The following CDH23 variants were observed in gnomAD, a reference collection of about 807,000 sequenced individuals.
The protein encoded by CDH23 is cadherin related 23.
In CDH23, 189 loss-of-function variants were observed where a neutral mutation model predicts 317.1. That is an observed-to-expected ratio of 0.60 (90% confidence interval 0.53 to 0.67). CDH23 has a LOEUF of 0.67. Among genes scored for constraint, CDH23 ranks in the 30% least tolerant of loss-of-function variants. The pLI, the probability that CDH23 is intolerant of heterozygous loss-of-function variation, is 0.00. For missense variants in CDH23, 4,401 were observed against 4,592.4 expected, an observed-to-expected ratio of 0.96 and a Z score of 1.20; for synonymous variants, 1,839 against 1,876.8, an observed-to-expected ratio of 0.98 and a Z score of 0.52.
intron 9 of CDH23, among the ~76,000 whole-genome samples, chr10:71,592,879 CT>C (rs1859589229): frequency 6.6e-6 from 1 of 152,210 alleles, no homozygotes; most frequent in Admixed American, 6.5e-5. Flanking sequence ...TACACTGCCT[CT>C]TCTTCGCGCC....
intron 43 of CDH23, 57 bp from the exon 44 acceptor site, chr10:71,785,574 C>A: frequency 8.4e-7 from 1 of 1,196,958 alleles, no homozygotes. Context: ...CATCTGTGGG[C>A]CAAAGTAGAA....
chr10:71,734,661 G>A lies in CDH23; in HGVS notation c.4209+3G>A, dbSNP rs1564765554. On this transcript the variant is annotated splice_donor_region_variant and intron_variant, in intron 34 of 69. Coordinates refer to ENST00000224721, the MANE Select transcript of CDH23 (RefSeq NM_022124.6). ...GCTGCTGCCTCTGCCTACAGAAGGT[G>A]AGTAGCCTGTGGCTGGAGCTTCCCC... 6.9e-7 allele frequency: 1 copy of A among 1,451,220 alleles called. No homozygotes were observed. 89.9% of individuals were successfully genotyped at this position (1,451,220 alleles called of 1,614,324 possible).
intron 3 of CDH23, among the ~76,000 whole-genome samples, chr10:71,460,714 G>GTGCCAACCATTGTCCC (rs1447740530): frequency 2.6e-5 from 4 of 152,204 alleles, no homozygotes; most frequent in Non-Finnish European, 4.4e-5. Flanking sequence ...CCTCATCGCG[G>GTGCCAACCATTGTCCC]TGCCAACCAT....
intron 9 of CDH23, among the ~76,000 whole-genome samples, chr10:71,609,951 CGTGTGTGTGTGTGTGTGTGTGTGT>C (rs34311857): frequency 4.2e-5 from 6 of 142,772 alleles, no homozygotes; most frequent in Non-Finnish European, 7.6e-5. Flanking sequence ...AGGACTCCCC[CGTGTGTGTGTGTGTGTGTGTGTGT>C]GTGTGTGTGT....
intron 22 of CDH23, among the ~76,000 whole-genome samples, chr10:71,696,492 A>G (rs1865396480): frequency 6.6e-6 from 1 of 152,222 alleles, no homozygotes; most frequent in Non-Finnish European, 1.5e-5. Context: ...AAAGCTAGTA[A>G]AGGGTGCGGT....
At chr10:71,766,705 C>A (rs1184318689) in intron 38 of CDH23, among the ~76,000 whole-genome samples, 1 of 152,168 alleles carries the variant, frequency 6.6e-6, no homozygotes, top group Non-Finnish European at 1.5e-5. Context: ...TGGGTGGTAT[C>A]ATCCCTATTT....
At chr10:71,629,613 C>T (rs112884323) in intron 11 of CDH23, among the ~76,000 whole-genome samples, 5 of 152,084 alleles carry the variant, frequency 3.3e-5, no homozygotes, top group African/African-American at 4.8e-5. Flanking sequence ...CATCCGCTGC[C>T]GAATGGAGAA....
At chr10:71,435,050 C>A (rs1214985894) in intron 1 of CDH23, among the ~76,000 whole-genome samples, 4 of 152,186 alleles carry the variant, frequency 2.6e-5, no homozygotes, top group African/African-American at 7.2e-5. Context: ...GGCGCCTCTG[C>A]AGGACCCTCC....
rs761420710 is a variant in CDH23, at chr10:71,695,430, C to A, written c.2302C>A (p.Leu768Ile). 4 of 1,611,870 alleles carry A rather than the reference C, an allele frequency of 2.5e-6. No individual in the cohort carries two copies. The African/African-American group carries it at 5.3e-5, about 22-fold the overall frequency. Residue 768 changes from leucine (L) to isoleucine (I), a missense_variant, in exon 22 of 70, where the codon CTC (leucine) becomes ATC (isoleucine). Coordinates refer to ENST00000224721, the MANE Select transcript of CDH23 (RefSeq NM_022124.6). ...TATGGCTTCACAGGTAAACATCACC[C>A]TCCTGGACATCAATGACAACCACCC... is the stretch of plus-strand genomic sequence containing the variant. ...KTGIATVNITLLDINDNHPTW... is the reference protein window; with the variant it reads ...KTGIATVNITILDINDNHPTW...
In CDH23 at chr10:71,672,195, G is replaced by A. The variant is rs555890694; in HGVS notation, c.1450-2917G>A. 2.6e-5 allele frequency among the ~76,000 whole-genome samples: 4 copies of A among 152,206 alleles called. No individual in the cohort carries two copies. The South Asian group carries it at 6.2e-4, about 24-fold the overall frequency. On this transcript the variant is annotated intron_variant, in intron 14 of 69. Transcript: ENST00000224721. Reference sequence around the variant, plus strand: ...TGAGCTAGGCAGGAGAGGGAGGGGCGCTGTTCAAGCGGAGGGGGCAGAGCC... The same window carrying A: ...TGAGCTAGGCAGGAGAGGGAGGGGCACTGTTCAAGCGGAGGGGGCAGAGCC...
chr10:71,744,926 C>A (rs1410100937), intron 38 of CDH23, among the ~76,000 whole-genome samples: 1 of 152,260 alleles, frequency 6.6e-6, no homozygotes, highest in African/African-American at 2.4e-5. Flanking sequence ...ATCCATCCAT[C>A]TTCAATTTTT....
intron 38 of CDH23, chr10:71,753,851 C>T (rs1342566331): frequency 6.6e-6 from 3 of 456,354 alleles, no homozygotes; most frequent in Non-Finnish European, 1.3e-5. Flanking sequence ...CAAACCATGG[C>T]TATTGCTTAC....
rs765908525 is a variant in CDH23, at chr10:71,682,487, A to G, written c.1901A>G (p.Asn634Ser). Residue 634 changes from asparagine (N) to serine (S), a missense_variant, in exon 18 of 70, where the codon AAT becomes AGT. Around this residue, in one of 3 missense-constraint regions of CDH23, gnomAD observed 3,068 missense variants for 3,203.3 expected, o/e 0.96. Transcript: ENST00000224721. The stretch of plus-strand genomic sequence containing the variant: ...CCCCTGGATTATGAACAGATATCCA[A>G]TGGGCTGATTTATCTGACGGTCATG... The part of the protein sequence containing the change: ...SRPLDYEQIS[N>S]GLIYLTVMAM... 6.2e-7 allele frequency: 1 copy of G among 1,613,094 alleles called. No homozygotes were observed. Among genetic ancestry groups the G allele is most frequent in the South Asian group, 1.1e-5 (1 of 90,744 alleles).
intron 6 of CDH23, among the ~76,000 whole-genome samples, chr10:71,522,110 C>A (rs943253610): frequency 6.8e-6 from 1 of 147,210 alleles, no homozygotes. Flanking sequence ...TTCTGGTGGC[C>A]CCCACAAGCT....
intron 41 of CDH23, among the ~76,000 whole-genome samples, chr10:71,781,257 G>A (rs1478353507): frequency 6.6e-6 from 1 of 152,196 alleles, no homozygotes; most frequent in Non-Finnish European, 1.5e-5. Flanking sequence ...CCAAGTGACA[G>A]AATGAGAGCC....
chr10:71,792,254 T>C (rs1474717014), intron 47 of CDH23, among the ~76,000 whole-genome samples: 2 of 152,162 alleles, frequency 1.3e-5, no homozygotes, highest in East Asian at 1.9e-4. Context: ...ATAATCTGTA[T>C]GTAATCTAAT....
At chr10:71,662,988 A>G (rs1314706353) in intron 14 of CDH23, among the ~76,000 whole-genome samples, 2 of 152,164 alleles carry the variant, frequency 1.3e-5, no homozygotes, top group African/African-American at 4.8e-5. Context: ...CAGTCTCTGC[A>G]TGCGTCTTCT....
chr10:71,469,936 T>C (rs1851431140), intron 3 of CDH23, among the ~76,000 whole-genome samples: 1 of 152,234 alleles, frequency 6.6e-6, no homozygotes, highest in African/African-American at 2.4e-5. Context: ...CACATGTTTT[T>C]ATTTCTCTTG....
intron 24 of CDH23, 72 bp downstream of exon 24, chr10:71,702,766 T>A: frequency 6.3e-7 from 1 of 1,576,066 alleles, no homozygotes; most frequent in South Asian, 1.1e-5. Context: ...TAGCCCAGGC[T>A]GAAAACTTTG....
Sources: gnomAD v4.1 joint callset for allele counts (sites outside exome capture counted in the v4.1 genomes callset) on GRCh38, gnomAD v4.1.1 for gene constraint, gnomAD v4.1.1 regional missense constraint, MANE v1.5 for transcripts, NCBI Gene and HGNC (gene_info 2026-07-23, HGNC 2026-07-21) for gene names.